Variants in TBCD observed in about 807,000 individuals in gnomAD.
The protein encoded by TBCD is tubulin folding cofactor D.
TBCD carries 105 observed loss-of-function variants against 169.3 expected under a neutral mutation model. The ratio of observed to expected loss-of-function variants is 0.62; its 90% CI spans 0.53 to 0.73. The LOEUF is 0.73. Ranked by LOEUF, TBCD falls within the 30% of genes least tolerant of loss-of-function variation. TBCD has a pLI of 0.00. For synonymous variants in TBCD, 700 were observed against 643.9 expected, an observed-to-expected ratio of 1.09 and a Z score of -1.32; for missense variants, 1,444 against 1,600.1, an observed-to-expected ratio of 0.90 and a Z score of 1.66.
In TBCD at chr17:82,752,169, G is replaced by A; in HGVS notation, c.-25G>A. The A allele has an allele frequency of 6.7e-7, 1 of 1,501,562 alleles. No homozygotes were observed. The highest frequency in any genetic ancestry group is 1.3e-5 in the South Asian group (1 of 79,386). The allele number at this position is 1,501,562 out of a possible 1,614,324, so 93.0% of individuals were successfully genotyped here. A position where few individuals can be genotyped will look rare whatever the true frequency, so the allele number is the denominator to read the frequency against. ...GTGGGATCTGCGAACACGTGAGGCG[G>A]GGGCGCGGTCCCCAGGCTGCCGAGA... On this transcript the variant is annotated 5_prime_UTR_variant, in exon 1 of 39. Transcript: ENST00000355528.
intron 7 of TBCD, among the ~76,000 whole-genome samples, chr17:82,785,405 G>C (rs75436430): frequency 1.9e-3 from 30 of 15,422 alleles, no homozygotes; most frequent in South Asian, 5.5e-3. Context: ...CACTGGACCC[G>C]ACCCATCGCA....
intron 34 of TBCD, among the ~76,000 whole-genome samples, chr17:82,933,271 G>GCCTTTTTTTTT (rs1307513773): frequency 1.2e-5 from 1 of 81,606 alleles, no homozygotes; most frequent in Non-Finnish European, 2.6e-5. Flanking sequence ...TGTTGGGCCA[G>GCCTTTTTTTTT]TCTTTTTTTT....
At position 82,800,965 on chromosome 17, in the gene TBCD, A is replaced by G; in HGVS notation, c.919A>G (p.Thr307Ala). ...GVKLVQRLGL[T>A]FLKPKVAAWR... The stretch of plus-strand genomic sequence containing the variant: ...GAAGCTTGTGCAGCGACTGGGGCTG[A>G]CATTCCTGAAGCCGAAGGTGGCAGC... Residue 307 changes from threonine (T) to alanine (A), a missense_variant, in exon 9 of 39, where the codon ACA becomes GCA. Coordinates refer to ENST00000355528, the MANE Select transcript of TBCD (RefSeq NM_005993.5). 1 of 1,611,468 alleles carries G rather than the reference A, an allele frequency of 6.2e-7. No homozygotes were observed. The highest frequency in any genetic ancestry group is 8.5e-7 in the Non-Finnish European group (1 of 1,179,184).
intron 13 of TBCD, among the ~76,000 whole-genome samples, chr17:82,839,161 C>T (rs1567866272): frequency 2.0e-5 from 3 of 152,156 alleles, no homozygotes; most frequent in Non-Finnish European, 4.4e-5. Flanking sequence ...AACTTTAAAA[C>T]TATTAAAAGT....
intron 13 of TBCD, among the ~76,000 whole-genome samples, chr17:82,841,377 G>A (rs1473636614): frequency 6.6e-6 from 1 of 150,964 alleles, no homozygotes; most frequent in African/African-American, 2.4e-5. Flanking sequence ...GAGTGCAGTG[G>A]TGCGATCACG....
chr17:82,829,732 A>G (rs998878519), intron 13 of TBCD: 1 of 193,360 alleles, frequency 5.2e-6, no homozygotes, highest in Non-Finnish European at 1.1e-5. Flanking sequence ...TAATGTTAGT[A>G]CTGAAAATGT....
intron 13 of TBCD, among the ~76,000 whole-genome samples, chr17:82,860,110 T>C (rs1419225254): frequency 1.3e-5 from 2 of 152,248 alleles, no homozygotes; most frequent in East Asian, 3.8e-4. Context: ...CAGTGAGTCA[T>C]GGCAGAACTG....
chr17:82,935,096 T>TA (rs1162860685), intron 34 of TBCD, among the ~76,000 whole-genome samples: 1 of 152,176 alleles, frequency 6.6e-6, no homozygotes. Flanking sequence ...GATAGGATGG[T>TA]AGAGAAAATA....
Position 82,887,168 on chromosome 17 carries a change from T to TGTGTGCGCGCGC in TBCD, c.1534-2499_1534-2498insTGTGCGCGCGCG. 5.9e-3 allele frequency among the ~76,000 whole-genome samples: 740 copies of TGTGTGCGCGCGC among 126,106 alleles called. 4 individuals are homozygous for TGTGTGCGCGCGC. Among genetic ancestry groups the TGTGTGCGCGCGC allele is most frequent in the Non-Finnish European group, 8.7e-3 (522 of 59,856 alleles). 82.7% of individuals were successfully genotyped at this position (126,106 alleles called of 152,430 possible). On this transcript the variant is annotated intron_variant, in intron 15 of 38. Coordinates refer to ENST00000355528, the MANE Select transcript of TBCD (RefSeq NM_005993.5). ...GTGTGTGTGTGTGTGTGTGTGTGTG[T>TGTGTGCGCGCGC]GCGCGCGCGCGCACGTGCGCTCACG...
In TBCD at chr17:82,832,470, T is replaced by G. The variant is rs1334554313; in HGVS notation, c.1318+17536T>G. 5 of 1,603,528 alleles carry G rather than the reference T, an allele frequency of 3.1e-6. No individual in the cohort carries two copies. Among genetic ancestry groups the G allele is most frequent in the African/African-American group, 1.3e-5 (1 of 74,896 alleles). ...GGAGACTCATTTTCCTCCTTATGCC[T>G]TGGACTCTGGCTGTCCAGGTGGCGT... On this transcript the variant is annotated intron_variant, in intron 13 of 38. Transcript: ENST00000355528. The surrounding 1 kb of genome is among the most constrained non-coding windows in gnomAD (Gnocchi z 4.9).
At chr17:82,893,238 G>A (rs899994353) in intron 16 of TBCD, 13 of 393,898 alleles carry the variant, frequency 3.3e-5, no homozygotes, top group Admixed American at 1.8e-4. Flanking sequence ...GACCGTTTAC[G>A]GTGTATGTTT....
In TBCD at chr17:82,926,489, G is replaced by C; in HGVS notation, c.2469G>C (p.Ala823=). 6.2e-7 allele frequency: 1 copy of C among 1,613,748 alleles called. No homozygotes were observed. Among genetic ancestry groups the C allele is most frequent in the Non-Finnish European group, 8.5e-7 (1 of 1,179,736 alleles). ...ESRRDGLKAI[A]RICQTVGVKA... is the part of the protein sequence containing the mutation. ...GGAGAGACGGCTTGAAGGCCATTGCGAGGTGAGTCCCAACAGTTCCTCCCT... is the reference window on the plus strand; with the variant it reads ...GGAGAGACGGCTTGAAGGCCATTGCCAGGTGAGTCCCAACAGTTCCTCCCT... The change falls in exon 28 of 39, where the codon GCG becomes GCC. Residue 823 remains alanine, a splice_region_variant and synonymous_variant. Coordinates refer to ENST00000355528, the MANE Select transcript of TBCD (RefSeq NM_005993.5).
rs1245440409 is a variant in TBCD at position 82,817,673 on chromosome 17, C to T, written c.1318+2739C>T. 3.9e-5 allele frequency among the ~76,000 whole-genome samples: 6 copies of T among 152,202 alleles called. No individual in the cohort carries two copies. The East Asian group carries it at 1.2e-3, about 29-fold the overall frequency. On this transcript the variant is annotated intron_variant, in intron 13 of 38. Coordinates refer to ENST00000355528, the MANE Select transcript of TBCD (RefSeq NM_005993.5). ...TGTGGCCCAGGCTCGTCTTGAACTTCTGGCCTCCAGTGATCCTCCTGCCTC... is the reference window on the plus strand; with the variant it reads ...TGTGGCCCAGGCTCGTCTTGAACTTTTGGCCTCCAGTGATCCTCCTGCCTC...
At chr17:82,926,361 T>C (rs747326503) in intron 27 of TBCD, 39 bp from the exon 28 acceptor site, 104 of 1,598,832 alleles carry the variant, frequency 6.5e-5, no homozygotes, top group Non-Finnish European at 8.3e-5. Context: ...CACTTTGTTA[T>C]AGCTTATGGT....
chr17:82,762,181 C>T (rs1159743716), intron 2 of TBCD, among the ~76,000 whole-genome samples: 2 of 150,770 alleles, frequency 1.3e-5, no homozygotes, highest in South Asian at 2.1e-4. Context: ...CCCAGTGTGG[C>T]GGTGTGCGCA....
At chr17:82,815,923 T>G (rs2051857948) in intron 13 of TBCD, among the ~76,000 whole-genome samples, 1 of 152,228 alleles carries the variant, frequency 6.6e-6, no homozygotes, top group African/African-American at 2.4e-5. Flanking sequence ...CTAATTTACA[T>G]GCCATAAAAT....
chr17:82,794,383 A>G (rs2049959633), intron 7 of TBCD, among the ~76,000 whole-genome samples: 1 of 152,228 alleles, frequency 6.6e-6, no homozygotes, highest in South Asian at 2.1e-4. Flanking sequence ...GCTGGTTTCT[A>G]GAACAACAAA....
chr17:82,774,038 C>CTTTTTTTTTT (rs34066502), intron 6 of TBCD, among the ~76,000 whole-genome samples: 1 of 138,536 alleles, frequency 7.2e-6, no homozygotes. Context: ...CCGAGTGTGT[C>CTTTTTTTTTT]TTTTTTTTTT....
At position 82,865,064 on chromosome 17, in the gene TBCD, G is replaced by C. The variant is rs1004906967; in HGVS notation, c.1319-5160G>C. Among the ~76,000 whole-genome samples, 5 of 152,204 alleles carry C rather than the reference G, an allele frequency of 3.3e-5. No homozygotes were observed. In the South Asian group the frequency reaches 1.0e-3, roughly 31 times the overall value. ...CAGGCAGCTGAGGGCCTCTGGGAAGGCTTCTCTACAACGTCCTGTGGGAAC... is the reference window on the plus strand; with the variant it reads ...CAGGCAGCTGAGGGCCTCTGGGAAGCCTTCTCTACAACGTCCTGTGGGAAC... On this transcript the variant is annotated intron_variant, in intron 13 of 38. Coordinates refer to ENST00000355528, the MANE Select transcript of TBCD (RefSeq NM_005993.5).
Sources: allele counts gnomAD v4.1 joint callset (sites outside exome capture counted in the v4.1 genomes callset), GRCh38; gene constraint gnomAD v4.1.1; non-coding constraint Gnocchi (gnomAD v3.1); transcripts MANE v1.5; gene names NCBI Gene and HGNC (gene_info 2026-07-23, HGNC 2026-07-21).